Variants in ARHGAP26 observed in about 807,000 individuals in gnomAD.
ARHGAP26 encodes the protein Rho GTPase activating protein 26.
ARHGAP26 carries 38 observed loss-of-function variants against 104.8 expected under a neutral mutation model. That is an observed-to-expected ratio of 0.36 (90% confidence interval 0.28 to 0.48). The LOEUF (loss-of-function observed/expected upper bound fraction) is 0.48. ARHGAP26 is among the 20% of genes least tolerant of loss of function. The pLI, the probability that ARHGAP26 is intolerant of heterozygous loss-of-function variation, is 0.99. For synonymous variants in ARHGAP26, 341 were observed against 340.0 expected, an observed-to-expected ratio of 1.00 and a Z score of -0.03; for missense variants, 704 against 947.9, an observed-to-expected ratio of 0.74 and a Z score of 3.38.
intron 12 of ARHGAP26, among the ~76,000 whole-genome samples, chr5:143,019,683 A>G (rs1388260809): frequency 6.6e-6 from 1 of 152,206 alleles, no homozygotes; most frequent in Admixed American, 6.5e-5. Flanking sequence ...AGGGAGTAAG[A>G]GAAGGGCAGG....
At chr5:142,771,391 T>C (rs1755162566) in intron 1 of ARHGAP26, 1 of 1,231,996 alleles carries the variant, frequency 8.1e-7, no homozygotes, top group Non-Finnish European at 1.0e-6. Context: ...TTGTGACTGC[T>C]TCGCTCCCTG....
At chr5:143,100,410 T>C (rs1793048797) in intron 17 of ARHGAP26, among the ~76,000 whole-genome samples, 1 of 152,214 alleles carries the variant, frequency 6.6e-6, no homozygotes, top group African/African-American at 2.4e-5. Flanking sequence ...TCACTAGCCT[T>C]ATCCTTGGCA....
intron 12 of ARHGAP26, among the ~76,000 whole-genome samples, chr5:143,020,101 C>T (rs779141112): frequency 2.6e-5 from 4 of 152,156 alleles, no homozygotes; most frequent in Admixed American, 1.3e-4. Context: ...GATCTTGTGC[C>T]GGATGAAACT....
intron 11 of ARHGAP26, among the ~76,000 whole-genome samples, chr5:142,970,658 A>G (rs35290): frequency 0.38 from 58,398 of 152,058 alleles, 12,576 homozygotes; most frequent in East Asian, 0.78. Context: ...AGGGTGTAAC[A>G]GACAGGGGAG....
At chr5:143,079,453 A>T (rs575141328) in intron 17 of ARHGAP26, among the ~76,000 whole-genome samples, 1 of 152,268 alleles carries the variant, frequency 6.6e-6, no homozygotes, top group South Asian at 2.1e-4. Context: ...CAGGGAGATC[A>T]CCCAGGAAGC....
chr5:142,955,249 A>G (rs1769053284), intron 11 of ARHGAP26, among the ~76,000 whole-genome samples: 1 of 152,114 alleles, frequency 6.6e-6, no homozygotes. Context: ...GCAGGGGGCC[A>G]TGATCATTAC....
chr5:143,149,005 G>A (rs987715122), intron 20 of ARHGAP26, among the ~76,000 whole-genome samples: 2 of 152,158 alleles, frequency 1.3e-5, no homozygotes, highest in African/African-American at 4.8e-5. Flanking sequence ...GTACAAAGAG[G>A]TTGCTTAAGC....
At chr5:143,167,656 G>T (rs556685693) in intron 20 of ARHGAP26, among the ~76,000 whole-genome samples, 1 of 152,220 alleles carries the variant, frequency 6.6e-6, no homozygotes, top group East Asian at 1.9e-4. Flanking sequence ...GGGGGCAAGC[G>T]CATGACTAAG....
chr5:142,964,578 A>T lies in ARHGAP26; in HGVS notation c.1107+32453A>T, dbSNP rs557088038. ...CACACACACACACACACACAAAACA[A>T]CAACAGCAGCAAAAAAAACCGATGT... is the stretch of plus-strand genomic sequence containing the variant. On this transcript the variant is annotated intron_variant, in intron 11 of 22. Transcript: ENST00000645722. Among the ~76,000 whole-genome samples the T allele has an allele frequency of 5.2e-5, 7 of 134,190 alleles. No individual in the cohort carries two copies. In the East Asian group the frequency reaches 2.3e-3, roughly 44 times the overall value. The allele number at this position is 134,190 out of a possible 152,430, so 88.0% of individuals were successfully genotyped here.
intron 14 of ARHGAP26, among the ~76,000 whole-genome samples, chr5:143,042,763 G>A (rs1009988900): frequency 1.3e-5 from 2 of 152,136 alleles, no homozygotes; most frequent in African/African-American, 4.8e-5. Context: ...TAGCTTTCTT[G>A]TGTAAAGAAA....
chr5:142,907,030 G>T (rs1253553291), intron 8 of ARHGAP26, among the ~76,000 whole-genome samples: 1 of 152,122 alleles, frequency 6.6e-6, no homozygotes, highest in Non-Finnish European at 1.5e-5. Context: ...CAGAGACTTG[G>T]CCAGAATACG....
intron 17 of ARHGAP26, among the ~76,000 whole-genome samples, chr5:143,097,147 T>C (rs937852174): frequency 6.6e-6 from 1 of 152,014 alleles, no homozygotes; most frequent in African/African-American, 2.4e-5. Context: ...GAGACCAGCC[T>C]GGCCGACATG....
At chr5:142,786,198 T>G (rs1473837831) in intron 1 of ARHGAP26, among the ~76,000 whole-genome samples, 4 of 151,534 alleles carry the variant, frequency 2.6e-5, no homozygotes, top group Non-Finnish European at 4.4e-5. Context: ...GCCCAGCTGG[T>G]CTAGAACTCC....
intron 11 of ARHGAP26, among the ~76,000 whole-genome samples, chr5:142,968,419 T>C (rs533897263): frequency 6.6e-6 from 1 of 152,348 alleles, no homozygotes; most frequent in African/African-American, 2.4e-5. Flanking sequence ...TTAGGATCTC[T>C]GGATTGTTTT....
At chr5:142,818,605 T>C (rs1198750189) in intron 1 of ARHGAP26, among the ~76,000 whole-genome samples, 2 of 152,104 alleles carry the variant, frequency 1.3e-5, no homozygotes, top group African/African-American at 4.8e-5. Context: ...ACCTTGGAGA[T>C]CACTTAATAT....
rs186543083 is a variant in ARHGAP26 at position 142,774,779 on chromosome 5, T to C, written c.154+3864T>C. 2.6e-5 allele frequency among the ~76,000 whole-genome samples: 4 copies of C among 152,348 alleles called. No individual in the cohort carries two copies. The East Asian group carries it at 7.7e-4, about 29-fold the overall frequency. Reference sequence around the variant, plus strand: ...AACCCCGGGCAACCACTAATCTTTTTACTGTCTCTCTAGTTTTACCTTTTC... The same window carrying C: ...AACCCCGGGCAACCACTAATCTTTTCACTGTCTCTCTAGTTTTACCTTTTC... On this transcript the variant is annotated intron_variant, in intron 1 of 22. Transcript: ENST00000645722.
At chr5:143,076,851 C>T (rs1451811512) in intron 17 of ARHGAP26, among the ~76,000 whole-genome samples, 4 of 152,128 alleles carry the variant, frequency 2.6e-5, no homozygotes, top group African/African-American at 7.2e-5. Flanking sequence ...ATATGCCACA[C>T]GTTATTTATC....
intron 17 of ARHGAP26, 26 bp from the exon 18 acceptor site, chr5:143,120,962 G>A (rs1311068738): frequency 1.2e-6 from 2 of 1,606,042 alleles, no homozygotes; most frequent in East Asian, 2.2e-5. Context: ...TGTCTCATTG[G>A]TACCTTTTCT....
intron 11 of ARHGAP26, among the ~76,000 whole-genome samples, chr5:143,006,640 A>G (rs1464393553): frequency 6.6e-6 from 1 of 152,166 alleles, no homozygotes; most frequent in Non-Finnish European, 1.5e-5. Flanking sequence ...TTTTTGCTCC[A>G]CTGAGCACAT....
Sources: allele counts gnomAD v4.1 joint callset (sites outside exome capture counted in the v4.1 genomes callset), GRCh38; gene constraint gnomAD v4.1.1; transcripts MANE v1.5; gene names NCBI Gene and HGNC (gene_info 2026-07-23, HGNC 2026-07-21).